Variants in XRCC6 observed in about 807,000 individuals in gnomAD.
XRCC6 encodes the protein DNA repair protein Ku70.
Under a neutral mutation model 65.7 loss-of-function variants are expected in XRCC6, and 5 were observed. The ratio of observed to expected loss-of-function variants is 0.08; its 90% CI spans 0.04 to 0.16. The LOEUF (loss-of-function observed/expected upper bound fraction) is 0.16, where lower values mean the gene tolerates loss of function less well. Ranked by LOEUF, XRCC6 falls within the 10% of genes least tolerant of loss-of-function variation. XRCC6 has a pLI of 1.00. For missense variants in XRCC6, 447 were observed against 738.1 expected, an observed-to-expected ratio of 0.61 and a Z score of 4.57; for synonymous variants, 270 against 270.6, an observed-to-expected ratio of 1.00 and a Z score of 0.02.
intron 2 of XRCC6, among the ~76,000 whole-genome samples, chr22:41,624,218 C>T (rs1164720913): frequency 6.6e-6 from 1 of 151,904 alleles, no homozygotes; most frequent in African/African-American, 2.4e-5. Flanking sequence ...AACCCCATCT[C>T]TACTAAAAAA....
chr22:41,641,092 A>G (rs952690114), intron 6 of XRCC6, among the ~76,000 whole-genome samples: 1 of 152,152 alleles, frequency 6.6e-6, no homozygotes, highest in Non-Finnish European at 1.5e-5. Flanking sequence ...TAAAAAAATT[A>G]AAAAACTGTA....
At chr22:41,633,439 G>A (rs972738425) in intron 3 of XRCC6, among the ~76,000 whole-genome samples, 3 of 149,284 alleles carry the variant, frequency 2.0e-5, no homozygotes, top group African/African-American at 7.4e-5. Flanking sequence ...TTGCTGCCCT[G>A]GCTCTTGGCT....
At position 41,636,612 on chromosome 22, in the gene XRCC6, G is replaced by A; in HGVS notation, c.431G>A (p.Ser144Asn). The A allele has an allele frequency of 6.2e-7, 1 of 1,614,070 alleles. No individual in the cohort carries two copies. Among genetic ancestry groups the A allele is most frequent in the Non-Finnish European group, 8.5e-7 (1 of 1,180,018 alleles). Residue 144 changes from serine to asparagine, a missense_variant, in exon 5 of 13, where the codon AGT becomes AAT. Transcript: ENST00000360079. The stretch of plus-strand genomic sequence containing the variant: ...GGCCACGGATCTGACTACTCACTCA[G>A]TGAAGTGCTGTGGGTCTGTGCCAAC... ...MMGHGSDYSL[S>N]EVLWVCANLF...
intron 12 of XRCC6, among the ~76,000 whole-genome samples, chr22:41,663,388 A>C (rs1017434702): frequency 6.6e-6 from 1 of 152,192 alleles, no homozygotes; most frequent in Admixed American, 6.5e-5. Flanking sequence ...GTTTTGGGTA[A>C]ACTGATGGCA....
Position 41,639,329 on chromosome 22 carries a change from C to CTTTTTCT in XRCC6, c.773+1543_773+1544insCTTTTTT, listed in dbSNP as rs2067847402. Among the ~76,000 whole-genome samples the CTTTTTCT allele has an allele frequency of 3.1e-5, 2 of 64,584 alleles. 1 individual carries two copies. Among genetic ancestry groups the CTTTTTCT allele is most frequent in the Non-Finnish European group, 5.4e-5 (2 of 37,178 alleles). 42.4% of individuals were successfully genotyped at this position (64,584 alleles called of 152,430 possible). ...GGAACCAGATTGCTAGATTCTTTTTCTTTTTTTTTTTTTTTTTTTTTTTTT... is the reference window on the plus strand; with the variant it reads ...GGAACCAGATTGCTAGATTCTTTTTCTTTTTCTTTTTTTTTTTTTTTTTTTTTTTTTT... On this transcript the variant is annotated intron_variant, in intron 6 of 12. Coordinates refer to ENST00000360079, the MANE Select transcript of XRCC6 (RefSeq NM_001469.5).
chr22:41,636,427 A>C, intron 4 of XRCC6, 89 bp from the exon 5 acceptor site: 2 of 1,546,230 alleles, frequency 1.3e-6, no homozygotes, highest in South Asian at 2.5e-5. Context: ...TCTGGGGTGA[A>C]AAAGGGTCCT....
intron 9 of XRCC6, 31 bp from the exon 10 acceptor site, chr22:41,656,872 A>G (rs771612935): frequency 1.9e-6 from 3 of 1,611,652 alleles, no homozygotes. Context: ...ACTTGAAGTC[A>G]AATCAAAGAA....
intron 9 of XRCC6, among the ~76,000 whole-genome samples, chr22:41,655,517 T>C (rs1307503515): frequency 6.6e-6 from 1 of 151,726 alleles, no homozygotes; most frequent in Admixed American, 6.6e-5. Context: ...CCATCCTGGC[T>C]AACACGGTGA....
intron 9 of XRCC6, among the ~76,000 whole-genome samples, chr22:41,654,037 T>A (rs1468714312): frequency 2.6e-5 from 4 of 152,196 alleles, no homozygotes; most frequent in Non-Finnish European, 5.9e-5. Context: ...GTCTAATGTT[T>A]GGTTTAGTTC....
intron 12 of XRCC6, among the ~76,000 whole-genome samples, chr22:41,662,987 A>G (rs1031398193): frequency 3.9e-5 from 6 of 152,206 alleles, no homozygotes; most frequent in African/African-American, 1.4e-4. Context: ...AGACTGAGGT[A>G]GGAGAATCCC....
intron 3 of XRCC6, among the ~76,000 whole-genome samples, chr22:41,633,076 G>A (rs988028107): frequency 6.6e-6 from 1 of 151,636 alleles, no homozygotes; most frequent in African/African-American, 2.4e-5. Flanking sequence ...GCAGTGAGCC[G>A]AGATGGCACT....
At chr22:41,646,612 T>A (rs1029215389) in intron 6 of XRCC6, among the ~76,000 whole-genome samples, 4 of 152,144 alleles carry the variant, frequency 2.6e-5, no homozygotes, top group African/African-American at 9.7e-5. Flanking sequence ...CCAAAAAAAA[T>A]CTGAAATCTG....
intron 3 of XRCC6, among the ~76,000 whole-genome samples, chr22:41,634,254 C>G (rs28384718): frequency 0.017 from 2,588 of 151,086 alleles, 73 homozygotes; most frequent in African/African-American, 0.059. Context: ...GGCATGATCT[C>G]TGCCCACTGC....
In XRCC6 at chr22:41,663,963, C is replaced by G. The variant is rs986760702; in HGVS notation, c.*148C>G. ...TTTATGTTTTTGAGGCTTTCTGTTG[C>G]CATGGTGATGGTGTAGCCCTCCCAC... On this transcript the variant is annotated 3_prime_UTR_variant, in exon 13 of 13. Coordinates refer to ENST00000360079, the MANE Select transcript of XRCC6 (RefSeq NM_001469.5). 1.2e-6 allele frequency: 1 copy of G among 858,032 alleles called. No homozygotes were observed. The highest frequency in any genetic ancestry group is 1.8e-6 in the Non-Finnish European group (1 of 560,924). 53.2% of individuals were successfully genotyped at this position (858,032 alleles called of 1,614,324 possible).
At chr22:41,648,466 G>A (rs1214271476) in intron 7 of XRCC6, among the ~76,000 whole-genome samples, 1 of 151,994 alleles carries the variant, frequency 6.6e-6, no homozygotes, top group Non-Finnish European at 1.5e-5. Context: ...TTTTTTTTAG[G>A]GAGAGAATTT....
intron 6 of XRCC6, among the ~76,000 whole-genome samples, chr22:41,644,414 CT>C (rs140231526): frequency 0.014 from 2,093 of 151,380 alleles, 35 homozygotes; most frequent in African/African-American, 0.043. Flanking sequence ...ATTTTACGTT[CT>C]TTTTTTCCCC....
In XRCC6 at chr22:41,643,984, C is replaced by CA. The variant is rs1219444238; in HGVS notation, c.774-2899dup. 6.7e-3 allele frequency among the ~76,000 whole-genome samples: 450 copies of CA among 66,938 alleles called. 85 individuals carry two copies. The highest frequency in any genetic ancestry group is 0.035 in the African/African-American group (423 of 11,986). 43.9% of individuals were successfully genotyped at this position (66,938 alleles called of 152,430 possible). A position where few individuals can be genotyped will look rare whatever the true frequency, so the allele number is the denominator to read the frequency against. Reference sequence around the variant, plus strand: ...TAGGCGACAGAGTGAGACTCCATCTCAAAAAAAAAAAAATTAGCTGGGCGC... The same window carrying CA: ...TAGGCGACAGAGTGAGACTCCATCTCAAAAAAAAAAAAAATTAGCTGGGCGC... On this transcript the variant is annotated intron_variant, in intron 6 of 12. Transcript: ENST00000360079.
chr22:41,621,709 C>T (rs899792178), intron 1 of XRCC6: 5 of 431,176 alleles, frequency 1.2e-5, no homozygotes, highest in East Asian at 4.6e-5. Flanking sequence ...GGGAATCCCT[C>T]ACCGTCTAAA....
At chr22:41,631,437 C>G (rs527349947) in intron 3 of XRCC6, among the ~76,000 whole-genome samples, 1 of 151,014 alleles carries the variant, frequency 6.6e-6, no homozygotes, top group South Asian at 2.1e-4. Context: ...TGGAGGGTCT[C>G]CTCCCTTCTC....
Sources: gnomAD v4.1 joint callset for allele counts (sites outside exome capture counted in the v4.1 genomes callset) on GRCh38, gnomAD v4.1.1 for gene constraint, MANE v1.5 for transcripts, NCBI Gene and HGNC (gene_info 2026-07-23, HGNC 2026-07-21) for gene names.